The following SAMMSON variants were observed in gnomAD, a reference collection of about 807,000 sequenced individuals.
SAMMSON encodes the protein survival associated mitochondrial melanoma specific oncogenic non-coding RNA.
At chr3:70,303,386 C>A (rs1702368417) in intron 7 of SAMMSON, among the ~76,000 whole-genome samples, 1 of 152,016 alleles carries the variant, frequency 6.6e-6, no homozygotes. Flanking sequence ...GACTTGGACT[C>A]TTAAGGAGGA....
chr3:70,413,536 A>G (rs1484152617), intron 2 of SAMMSON, among the ~76,000 whole-genome samples: 1 of 152,152 alleles, frequency 6.6e-6, no homozygotes. Flanking sequence ...TCAAAATACA[A>G]CATCAAATAT....
intron 7 of SAMMSON, among the ~76,000 whole-genome samples, chr3:70,340,398 A>ATG (rs59152271): frequency 6.6e-6 from 1 of 151,136 alleles, no homozygotes; most frequent in Non-Finnish European, 1.5e-5. Context: ...ATATATATAT[A>ATG]AAAAAAGCAG....
At chr3:70,234,039 T>C (rs914929121) in intron 4 of SAMMSON, among the ~76,000 whole-genome samples, 7 of 152,220 alleles carry the variant, frequency 4.6e-5, no homozygotes, top group African/African-American at 1.7e-4. Flanking sequence ...GCCTTGCCCA[T>C]TGTTTTCTCA....
At chr3:70,030,970 T>C (rs1398152903) in intron 3 of SAMMSON, among the ~76,000 whole-genome samples, 4 of 152,206 alleles carry the variant, frequency 2.6e-5, no homozygotes, top group Non-Finnish European at 5.9e-5. Flanking sequence ...GTACAGGTGC[T>C]GTGAAAAACA....
chr3:70,339,414 A>T (rs1337003518), intron 7 of SAMMSON, among the ~76,000 whole-genome samples: 1 of 152,218 alleles, frequency 6.6e-6, no homozygotes, highest in South Asian at 2.1e-4. Context: ...GGATCTAATT[A>T]AACTAAAGAG....
intron 7 of SAMMSON, among the ~76,000 whole-genome samples, chr3:70,307,361 G>A (rs1189128329): frequency 6.6e-6 from 1 of 152,060 alleles, no homozygotes; most frequent in Non-Finnish European, 1.5e-5. Flanking sequence ...ACTGCAAATG[G>A]CAACAATTTA....
intron 9 of SAMMSON, among the ~76,000 whole-genome samples, chr3:70,389,366 T>TAAAATA (rs1350217752): frequency 2.0e-5 from 3 of 152,144 alleles, no homozygotes; most frequent in African/African-American, 7.2e-5. Context: ...AAACTCAGTT[T>TAAAATA]AAAATAAAAA....
chr3:70,163,799 T>C (rs1200141585), intron 4 of SAMMSON, among the ~76,000 whole-genome samples: 2 of 152,010 alleles, frequency 1.3e-5, no homozygotes, highest in African/African-American at 2.4e-5. Context: ...AGTTCCCAAA[T>C]TGAAGTTACA....
chr3:70,349,750 A>G (rs1407739778), intron 7 of SAMMSON, among the ~76,000 whole-genome samples: 1 of 152,194 alleles, frequency 6.6e-6, no homozygotes, highest in Non-Finnish European at 1.5e-5. Flanking sequence ...AGGGGTAGGT[A>G]CAGTACTGTA....
chr3:70,406,608 A>G (rs554978692), intron 2 of SAMMSON, among the ~76,000 whole-genome samples: 40 of 152,362 alleles, frequency 2.6e-4, no homozygotes, highest in African/African-American at 9.1e-4. Context: ...AGAGAAATGG[A>G]AAGTTTTATA....
chr3:70,386,074 G>C (rs1335915912), intron 9 of SAMMSON, among the ~76,000 whole-genome samples: 1 of 152,102 alleles, frequency 6.6e-6, no homozygotes, highest in African/African-American at 2.4e-5. Flanking sequence ...CTGGCTGCTT[G>C]CCTCCATGCT....
At chr3:70,041,161 A>G (rs2107586519) in intron 3 of SAMMSON, among the ~76,000 whole-genome samples, 1 of 152,252 alleles carries the variant, frequency 6.6e-6, no homozygotes, top group South Asian at 2.1e-4. Flanking sequence ...TTTAGATTTA[A>G]AGACCTTTGC....
At chr3:70,222,683 A>G (rs1000670804) in intron 4 of SAMMSON, among the ~76,000 whole-genome samples, 2 of 152,184 alleles carry the variant, frequency 1.3e-5, no homozygotes, top group Admixed American at 6.5e-5. Context: ...CTAATGGACT[A>G]TTCAAACCTG....
chr3:70,383,537 C>T (rs977751389), intron 9 of SAMMSON, among the ~76,000 whole-genome samples: 2 of 151,942 alleles, frequency 1.3e-5, no homozygotes, highest in Non-Finnish European at 2.9e-5. Flanking sequence ...TTTTAAGTCC[C>T]GGTGTCAGTG....
chr3:70,011,442 G>C (rs1055584961), intron 1 of SAMMSON, among the ~76,000 whole-genome samples: 6 of 151,934 alleles, frequency 3.9e-5, no homozygotes, highest in African/African-American at 1.2e-4. Flanking sequence ...CTAATATGTG[G>C]GTAAGGAGAG....
At chr3:70,171,766 G>A (rs527409980) in intron 4 of SAMMSON, among the ~76,000 whole-genome samples, 4 of 151,960 alleles carry the variant, frequency 2.6e-5, no homozygotes, top group African/African-American at 9.6e-5. Context: ...TTTTCAAAGT[G>A]CATACTCATT....
intron 4 of SAMMSON, among the ~76,000 whole-genome samples, chr3:70,175,356 A>C (rs1314853913): frequency 6.6e-6 from 1 of 152,080 alleles, no homozygotes; most frequent in Non-Finnish European, 1.5e-5. Context: ...CTTTCAGACC[A>C]ATCAGAGTTA....
At chr3:70,245,991 A>C (rs1328508750) in intron 4 of SAMMSON, among the ~76,000 whole-genome samples, 1 of 151,610 alleles carries the variant, frequency 6.6e-6, no homozygotes, top group Non-Finnish European at 1.5e-5. Context: ...AATTGACAAC[A>C]GCCTACATTT....
chr3:70,037,708 C>T (rs953982777), intron 3 of SAMMSON, among the ~76,000 whole-genome samples: 4 of 152,140 alleles, frequency 2.6e-5, no homozygotes, highest in African/African-American at 9.7e-5. Flanking sequence ...ATTCTTGCAC[C>T]TGTGGCAGAC....
Sources: gnomAD v4.1 joint callset for allele counts (sites outside exome capture counted in the v4.1 genomes callset) on GRCh38, gnomAD v4.1.1 for gene constraint, MANE v1.5 for transcripts, NCBI Gene and HGNC (gene_info 2026-07-23, HGNC 2026-07-21) for gene names.